DOCK2: variants seen among roughly 807,000 people sequenced by gnomAD.
The protein encoded by DOCK2 is dedicator of cytokinesis 2, also known as dedicator of cytokinesis protein 2.
DOCK2 carries 87 observed loss-of-function variants against 248.9 expected under a neutral mutation model. That is an observed-to-expected ratio of 0.35 (90% confidence interval 0.29 to 0.42). The LOEUF is 0.42. DOCK2 is among the 10% of genes least tolerant of loss of function. The pLI, the probability that DOCK2 is intolerant of heterozygous loss-of-function variation, is 1.00. For synonymous variants in DOCK2, 805 were observed against 821.6 expected, an observed-to-expected ratio of 0.98 and a Z score of 0.35; for missense variants, 1,747 against 2,300.2, an observed-to-expected ratio of 0.76 and a Z score of 4.92.
At chr5:169,829,185 G>T (rs1474409156) in intron 26 of DOCK2, among the ~76,000 whole-genome samples, 5 of 152,074 alleles carry the variant, frequency 3.3e-5, no homozygotes, top group African/African-American at 7.2e-5. Context: ...CCATATCTAG[G>T]ATGGCTTTCT....
intron 22 of DOCK2, among the ~76,000 whole-genome samples, chr5:169,735,953 A>G (rs568821128): frequency 1.9e-4 from 28 of 148,974 alleles, no homozygotes; most frequent in Admixed American, 1.0e-3. Context: ...GGGGAGAGGG[A>G]GAGAGAGAGA....
chr5:169,819,024 G>A (rs934895943), intron 26 of DOCK2, among the ~76,000 whole-genome samples: 20 of 152,110 alleles, frequency 1.3e-4, no homozygotes, highest in Admixed American at 3.3e-4. Context: ...TAATACAGTC[G>A]TCAAATGTAT....
chr5:169,894,436 T>C (rs549526208), intron 27 of DOCK2, among the ~76,000 whole-genome samples: 1 of 152,302 alleles, frequency 6.6e-6, no homozygotes, highest in East Asian at 1.9e-4. Context: ...AGGACAACTG[T>C]TGGGCCCTGG....
chr5:169,710,458 GC>G lies in DOCK2; in HGVS notation c.1483-1474del, dbSNP rs1761512219. ...ACAGGCTGTATAATGCCTGAAAGAT[GC>G]CCTTTTGGAATAATTCCTTGACAGA... On this transcript the variant is annotated intron_variant, in intron 15 of 51. Transcript: ENST00000520908. Among the ~76,000 whole-genome samples the G allele has an allele frequency of 2.0e-5, 3 of 152,320 alleles. No homozygotes were observed. In the South Asian group the frequency reaches 6.2e-4, roughly 32 times the overall value.
At chr5:169,864,320 T>C in intron 27 of DOCK2, 1 of 1,551,630 alleles carries the variant, frequency 6.4e-7, no homozygotes, top group Non-Finnish European at 8.7e-7. Context: ...GTTTTCCGCC[T>C]TAAGTCCTGC....
chr5:169,889,548 G>A (rs1773166431), intron 27 of DOCK2, among the ~76,000 whole-genome samples: 1 of 152,216 alleles, frequency 6.6e-6, no homozygotes, highest in African/African-American at 2.4e-5. Flanking sequence ...TTCATTTCAT[G>A]CATCCAAATT....
At chr5:169,685,690 C>T (rs1050782661) in intron 8 of DOCK2, among the ~76,000 whole-genome samples, 1 of 152,152 alleles carries the variant, frequency 6.6e-6, no homozygotes, top group Non-Finnish European at 1.5e-5. Flanking sequence ...TAAACAGCGG[C>T]CTCCTGGAGA....
chr5:169,864,356 G>C, intron 27 of DOCK2: 1 of 1,551,588 alleles, frequency 6.4e-7, no homozygotes, highest in Non-Finnish European at 8.7e-7. Flanking sequence ...GGTTCTGCTG[G>C]GGACTTTGGT....
chr5:170,029,223 A>G (rs982774979), intron 34 of DOCK2, among the ~76,000 whole-genome samples: 1 of 152,242 alleles, frequency 6.6e-6, no homozygotes, highest in Middle Eastern at 3.4e-3. Context: ...ATTTCTCTAC[A>G]TTCTTGTTAA....
At chr5:169,659,734 C>A (rs1758338152) in intron 2 of DOCK2, among the ~76,000 whole-genome samples, 1 of 152,192 alleles carries the variant, frequency 6.6e-6, no homozygotes, top group Non-Finnish European at 1.5e-5. Flanking sequence ...TCTCATGCTG[C>A]CTCTTTTATC....
intron 27 of DOCK2, among the ~76,000 whole-genome samples, chr5:169,912,621 A>ATGTGTGTG (rs59287791): frequency 1.3e-5 from 2 of 150,422 alleles, no homozygotes; most frequent in African/African-American, 2.4e-5. Flanking sequence ...GGTGGAGTGT[A>ATGTGTGTG]TGTGTGTGTG....
At chr5:169,727,745 A>G (rs767665937) in intron 22 of DOCK2, among the ~76,000 whole-genome samples, 18 of 152,248 alleles carry the variant, frequency 1.2e-4, no homozygotes, top group Non-Finnish European at 1.2e-4. Context: ...ATCATTTATA[A>G]ATAAATAAGC....
intron 46 of DOCK2, among the ~76,000 whole-genome samples, chr5:170,070,668 C>T (rs1157629411): frequency 6.6e-6 from 1 of 152,206 alleles, no homozygotes; most frequent in African/African-American, 2.4e-5. Flanking sequence ...TGGGAGGCCT[C>T]AGGGAAGGCT....
chr5:170,059,332 C>CTATT (rs370583187), intron 44 of DOCK2, among the ~76,000 whole-genome samples: 1 of 152,232 alleles, frequency 6.6e-6, no homozygotes, highest in African/African-American at 2.4e-5. Flanking sequence ...GAGGTACATA[C>CTATT]TATTATGAGC....
At chr5:169,827,889 G>A (rs1768971577) in intron 26 of DOCK2, among the ~76,000 whole-genome samples, 1 of 148,668 alleles carries the variant, frequency 6.7e-6, no homozygotes, top group African/African-American at 2.5e-5. Flanking sequence ...CACACACATG[G>A]TTTTTCAACA....
At chr5:169,830,113 C>T (rs1203878984) in intron 26 of DOCK2, among the ~76,000 whole-genome samples, 1 of 152,172 alleles carries the variant, frequency 6.6e-6, no homozygotes, top group Non-Finnish European at 1.5e-5. Context: ...AACCTTGCAA[C>T]CAAAAAGACA....
intron 23 of DOCK2, among the ~76,000 whole-genome samples, chr5:169,752,209 C>T (rs967173970): frequency 3.3e-5 from 5 of 152,152 alleles, no homozygotes; most frequent in Non-Finnish European, 5.9e-5. Flanking sequence ...CAATTTGCCC[C>T]ACTCTCCTTA....
Position 169,700,280 on chromosome 5 carries a change from A to G in DOCK2, c.1258+141A>G. 3 of 1,272,882 alleles carry G rather than the reference A, an allele frequency of 2.4e-6. No individual in the cohort carries two copies. In the Admixed American group the frequency reaches 8.8e-5, roughly 37 times the overall value. 78.8% of individuals were successfully genotyped at this position (1,272,882 alleles called of 1,614,324 possible). A position where few individuals can be genotyped will look rare whatever the true frequency, so the allele number is the denominator to read the frequency against. Reference sequence around the variant, plus strand: ...CTGTCCCTGAAGGTAACAACTAAAAATGATGTCTGTATATCCAAAAACTTC... The same window carrying G: ...CTGTCCCTGAAGGTAACAACTAAAAGTGATGTCTGTATATCCAAAAACTTC... On this transcript the variant is annotated intron_variant, in intron 13 of 51. Coordinates refer to ENST00000520908, the MANE Select transcript of DOCK2 (RefSeq NM_004946.3).
intron 27 of DOCK2, among the ~76,000 whole-genome samples, chr5:169,908,570 C>A (rs1016331703): frequency 6.6e-6 from 1 of 152,026 alleles, no homozygotes. Flanking sequence ...GGGTCCTGGA[C>A]GTTTTTGTCT....
Sources: allele counts gnomAD v4.1 joint callset (sites outside exome capture counted in the v4.1 genomes callset), GRCh38; gene constraint gnomAD v4.1.1; transcripts MANE v1.5; gene names NCBI Gene and HGNC (gene_info 2026-07-23, HGNC 2026-07-21).